Variants in DOK4 observed in about 807,000 individuals in gnomAD.
DOK4 encodes downstream of tyrosine kinase 4.
Under a neutral mutation model 40.1 loss-of-function variants are expected in DOK4, and 26 were observed. That is an observed-to-expected ratio of 0.65 (90% confidence interval 0.48 to 0.90). The LOEUF is 0.90. DOK4 is among the 40% of genes least tolerant of loss of function. DOK4 has a pLI of 0.00. For missense variants in DOK4, 392 were observed against 437.2 expected (o/e 0.90, Z 0.92); for synonymous variants, 179 against 177.0 (o/e 1.01, Z -0.09).
At position 57,479,414 on chromosome 16, in the gene DOK4, G is replaced by T; in HGVS notation, c.66+28C>A. 6.2e-7 allele frequency: 1 copy of T among 1,611,406 alleles called. No homozygotes were observed. The highest frequency in any genetic ancestry group is 1.1e-5 in the South Asian group (1 of 90,896). On this transcript the variant is annotated intron_variant, in intron 2 of 8. Coordinates refer to ENST00000340099, the Ensembl canonical transcript of DOK4. This position sits in a 1 kb window ranked among gnomAD's most constrained non-coding sequence, Gnocchi z 5.8. ...TCCTCGGGCCCCCATCCCTTGGCAG[G>T]GCCCCTCCGCAGCTCAGGGTCACTC... is the stretch of plus-strand genomic sequence containing the variant.
At chr16:57,473,238 C>G (rs1215723350) in exon 9 of DOK4, 1 of 1,351,592 alleles carries the variant, frequency 7.4e-7, no homozygotes, top group African/African-American at 1.5e-5. Context: ...CAGCCTCATC[C>G]TTGGGGGCAA....
intron 2 of DOK4, 60 bp from the exon 3 acceptor site, chr16:57,476,017 G>T: frequency 7.1e-7 from 1 of 1,404,460 alleles, no homozygotes; most frequent in Non-Finnish European, 9.9e-7. Context: ...CACCAGCATG[G>T]CCCTGCAGCC....
In DOK4 at chr16:57,475,707, T is replaced by TCC. The variant is rs2031140169; in HGVS notation, c.175-88_175-87insGG. 65 of 400,090 alleles carry TCC rather than the reference T, an allele frequency of 1.6e-4. 1 individual carries two copies. The highest frequency in any genetic ancestry group is 2.5e-4 in the Non-Finnish European group (60 of 235,326). 24.8% of individuals were successfully genotyped at this position (400,090 alleles called of 1,614,324 possible). A position where few individuals can be genotyped will look rare whatever the true frequency, so the allele number is the denominator to read the frequency against. ...CTCTCTCTCTCTCTCCCTCCCTCCC[T>TCC]CTCTCCCCCCTCCTCCTTCTCTCTC... On this transcript the variant is annotated intron_variant, in intron 3 of 8. Coordinates refer to ENST00000340099, the Ensembl canonical transcript of DOK4.
chr16:57,473,906 C>A (rs746169356), exon 7 of DOK4: 2 of 1,601,262 alleles, frequency 1.2e-6, no homozygotes, highest in Non-Finnish European at 1.7e-6. Flanking sequence ...CTCACCCTCA[C>A]GTTCTTCTCC....
rs1279598987 is a variant in DOK4 at position 57,485,058 on chromosome 16, C to T, written c.-182+1247G>A. ...TCCCCATCCTTTCTTCCACCACCACCAGCCTCCATCTGGCTGGACCTGGCT... is the reference window on the plus strand; with the variant it reads ...TCCCCATCCTTTCTTCCACCACCACTAGCCTCCATCTGGCTGGACCTGGCT... On this transcript the variant is annotated intron_variant, in intron 1 of 8. Coordinates refer to ENST00000340099, the Ensembl canonical transcript of DOK4. The surrounding 1 kb of genome is among the most constrained non-coding windows in gnomAD (Gnocchi z 4.3). Among the ~76,000 whole-genome samples the T allele has an allele frequency of 6.6e-6, 1 of 152,246 alleles. No individual in the cohort carries two copies. The highest frequency in any genetic ancestry group is 1.5e-5 in the Non-Finnish European group (1 of 68,044).
Position 57,479,017 on chromosome 16 carries a change from T to G in DOK4, c.66+425A>C, listed in dbSNP as rs2031306688. On this transcript the variant is annotated intron_variant, in intron 2 of 8. Coordinates refer to ENST00000340099, the Ensembl canonical transcript of DOK4. The surrounding 1 kb of genome is among the most constrained non-coding windows in gnomAD (Gnocchi z 5.8). ...CTAAAAGAAAAGAGGCCAGGAGAGG[T>G]GAGGGGAGGCCGGGGGTGGGGGGCA... 1.4e-5 allele frequency among the ~76,000 whole-genome samples: 2 copies of G among 147,500 alleles called. No homozygotes were observed. Among genetic ancestry groups the G allele is most frequent in the South Asian group, 2.2e-4 (1 of 4,606 alleles).
chr16:57,485,984 C>CG lies in DOK4; in HGVS notation c.-182+320dup, dbSNP rs1251080542. On this transcript the variant is annotated intron_variant, in intron 1 of 8. Coordinates refer to ENST00000340099, the Ensembl canonical transcript of DOK4. The surrounding 1 kb of genome is among the most constrained non-coding windows in gnomAD (Gnocchi z 4.3). ...GCCAGGGGCTGGGTTATGCCCCTTC[C>CG]GGGGGGGCAGGCCCGGGAGCGCAGG... 2.0e-5 allele frequency among the ~76,000 whole-genome samples: 3 copies of CG among 151,968 alleles called. No individual in the cohort carries two copies. Among genetic ancestry groups the CG allele is most frequent in the Non-Finnish European group, 2.9e-5 (2 of 67,940 alleles).
At chr16:57,474,135 T>G in intron 6 of DOK4, 96 bp from the exon 7 acceptor site, 1 of 1,542,400 alleles carries the variant, frequency 6.5e-7, no homozygotes, top group African/African-American at 1.4e-5. Flanking sequence ...TGTGGTTGCA[T>G]TCCAGGCCGG....
At chr16:57,486,483 G>GCTGGGACTCCGC (rs2031546036) in exon 1 of DOK4, 1 of 152,012 alleles carries the variant, frequency 6.6e-6, no homozygotes, top group African/African-American at 2.4e-5. Flanking sequence ...TGGGGCTCCG[G>GCTGGGACTCCGC]CTGGGACTCC....
At chr16:57,475,249 T>C (rs756362965) in intron 4 of DOK4, 30 bp from the exon 5 acceptor site, 1 of 1,604,070 alleles carries the variant, frequency 6.2e-7, no homozygotes, top group Non-Finnish European at 8.5e-7. Context: ...ATCATGCAGC[T>C]CCAGAGCCCG....
At chr16:57,483,900 C>T (rs2031478765) in intron 1 of DOK4, 1 of 152,236 alleles carries the variant, frequency 6.6e-6, no homozygotes, top group Non-Finnish European at 1.5e-5. Flanking sequence ...GAGCAAGGGC[C>T]CCCCGCATCC....
intron 1 of DOK4, among the ~76,000 whole-genome samples, chr16:57,483,378 C>T: frequency 6.6e-6 from 1 of 152,146 alleles, no homozygotes; most frequent in Non-Finnish European, 1.5e-5. Context: ...CACCTGTAAT[C>T]CCAACACTTT....
chr16:57,473,069 T>G, exon 9 of DOK4: 1 of 324,060 alleles, frequency 3.1e-6, no homozygotes, highest in Non-Finnish European at 5.7e-6. Flanking sequence ...AAAATTTGTG[T>G]GTATTGGTGG....
intron 2 of DOK4, among the ~76,000 whole-genome samples, chr16:57,478,866 ACC>A (rs1451685689): frequency 4.0e-5 from 6 of 149,622 alleles, no homozygotes; most frequent in African/African-American, 1.5e-4. Context: ...AGTGCCTCAC[ACC>A]ACCCCGTCTC....
rs751569926 is a variant in DOK4, at chr16:57,475,970, A to G, written c.67-13T>C. ...ACCTCCGGTAGATCTGTGGAGCGAG[A>G]TGACAGGGCTCAGGCCTCCCTGGAC... On this transcript the variant is annotated splice_polypyrimidine_tract_variant and intron_variant, in intron 2 of 8. Transcript: ENST00000340099. 4.4e-6 allele frequency: 7 copies of G among 1,607,802 alleles called. No individual in the cohort carries two copies. The South Asian group carries it at 6.6e-5, about 15-fold the overall frequency.
At chr16:57,475,661 TC>T in intron 3 of DOK4, 41 bp from the exon 4 acceptor site, 1 of 376,282 alleles carries the variant, frequency 2.7e-6, no homozygotes, top group Non-Finnish European at 4.3e-6. Context: ...GGCCAGTGCA[TC>T]TCTCTCTCTC....
In DOK4 at chr16:57,473,253, G is replaced by C. The variant is rs534482851; in HGVS notation, c.*124C>G. 1.5e-4 allele frequency: 215 copies of C among 1,401,124 alleles called. No individual in the cohort carries two copies. The African/African-American group carries it at 2.9e-3, about 19-fold the overall frequency. 86.8% of individuals were successfully genotyped at this position (1,401,124 alleles called of 1,614,324 possible). A position where few individuals can be genotyped will look rare whatever the true frequency, so the allele number is the denominator to read the frequency against. Reference sequence around the variant, plus strand: ...CAGCCTCATCCTTGGGGGCAAGGAGGGGGCAGCTTGCTCCCTTTCTCCAGG... The same window carrying C: ...CAGCCTCATCCTTGGGGGCAAGGAGCGGGCAGCTTGCTCCCTTTCTCCAGG... On this transcript the variant is annotated 3_prime_UTR_variant, in exon 9 of 9. Transcript: ENST00000340099.
exon 6 of DOK4, chr16:57,474,909 G>A (rs373863803): frequency 2.2e-5 from 35 of 1,614,124 alleles, no homozygotes; most frequent in African/African-American, 8.0e-5. Context: ...AGATGTTCTC[G>A]TGGGTGATCT....
At chr16:57,486,679 G>C (rs1199625170), upstream of DOK4, among the ~76,000 whole-genome samples, 1 of 151,904 alleles carries the variant, frequency 6.6e-6, no homozygotes, top group Non-Finnish European at 1.5e-5. Context: ...CCCTCCCTGG[G>C]CCCCAAAGCC....
Sources: gnomAD v4.1 joint callset for allele counts (sites outside exome capture counted in the v4.1 genomes callset) on GRCh38, gnomAD v4.1.1 for gene constraint, Gnocchi (gnomAD v3.1) non-coding constraint, MANE v1.5 for transcripts, NCBI Gene and HGNC (gene_info 2026-07-23, HGNC 2026-07-21) for gene names.